LUZP2: variants seen among roughly 807,000 people sequenced by gnomAD.
LUZP2 encodes the protein leucine zipper protein 2.
Under a neutral mutation model 51.6 loss-of-function variants are expected in LUZP2, and 52 were observed. The ratio of observed to expected loss-of-function variants is 1.01; its 90% CI spans 0.81 to 1.27. The LOEUF (loss-of-function observed/expected upper bound fraction) is 1.27, where lower values mean the gene tolerates loss of function less well. LUZP2 is among the 50% of genes most tolerant of loss of function. The pLI, the probability that LUZP2 is intolerant of heterozygous loss-of-function variation, is 0.00. For synonymous variants in LUZP2, 154 were observed against 137.3 expected (o/e 1.12, Z -0.85); for missense variants, 436 against 395.4 (o/e 1.10, Z -0.87).
chr11:24,805,726 T>G (rs1849835958), intron 5 of LUZP2, among the ~76,000 whole-genome samples: 1 of 152,180 alleles, frequency 6.6e-6, no homozygotes, highest in Non-Finnish European at 1.5e-5. Context: ...CTGTTTGTTT[T>G]AGGTTGGATT....
intron 1 of LUZP2, among the ~76,000 whole-genome samples, chr11:24,667,269 C>T (rs1856247175): frequency 6.7e-6 from 1 of 150,332 alleles, no homozygotes; most frequent in African/African-American, 2.5e-5. Context: ...TTGCAACCTC[C>T]ACCTCCCGGA....
intron 9 of LUZP2, among the ~76,000 whole-genome samples, chr11:25,023,997 G>C (rs1857413681): frequency 6.6e-6 from 1 of 152,154 alleles, no homozygotes; most frequent in South Asian, 2.1e-4. Context: ...TGGTCTGAGA[G>C]ACAGTTTGTT....
At chr11:24,790,592 CG>C (rs1849378649) in intron 5 of LUZP2, among the ~76,000 whole-genome samples, 1 of 152,008 alleles carries the variant, frequency 6.6e-6, no homozygotes, top group African/African-American at 2.4e-5. Context: ...ACCTCTGCCT[CG>C]GGGGTTCAAG....
chr11:24,837,550 C>A (rs1250097549), intron 5 of LUZP2, among the ~76,000 whole-genome samples: 1 of 151,628 alleles, frequency 6.6e-6, no homozygotes, highest in Admixed American at 6.6e-5. Flanking sequence ...TTTAAAATAA[C>A]TTGTGGAAGA....
chr11:24,507,115 T>G (rs572061725), intron 1 of LUZP2, among the ~76,000 whole-genome samples: 7 of 152,222 alleles, frequency 4.6e-5, no homozygotes, highest in African/African-American at 1.7e-4. Flanking sequence ...CTCAATTTAG[T>G]TTCTCCAAGT....
intron 7 of LUZP2, among the ~76,000 whole-genome samples, chr11:24,959,991 G>T (rs1163326758): frequency 6.6e-6 from 1 of 152,152 alleles, no homozygotes; most frequent in Non-Finnish European, 1.5e-5. Context: ...AGCCTTTTCT[G>T]CATCTATTGA....
intron 1 of LUZP2, among the ~76,000 whole-genome samples, chr11:24,509,864 AT>A (rs1173019101): frequency 2.0e-5 from 3 of 152,104 alleles, no homozygotes; most frequent in Non-Finnish European, 4.4e-5. Context: ...AAATTTAATA[AT>A]GTATACATTT....
At chr11:24,746,226 A>C (rs1416913285) in intron 4 of LUZP2, among the ~76,000 whole-genome samples, 7 of 152,160 alleles carry the variant, frequency 4.6e-5, no homozygotes, top group Admixed American at 2.0e-4. Flanking sequence ...TCCTTTTAGC[A>C]GTTCTTGTAG....
intron 7 of LUZP2, among the ~76,000 whole-genome samples, chr11:24,947,739 G>A (rs555849733): frequency 6.6e-6 from 1 of 151,872 alleles, no homozygotes; most frequent in East Asian, 1.9e-4. Flanking sequence ...AAATCGTTGG[G>A]TGATATCTGT....
chr11:24,587,524 C>A (rs1027252688), intron 1 of LUZP2, among the ~76,000 whole-genome samples: 1 of 152,082 alleles, frequency 6.6e-6, no homozygotes, highest in Non-Finnish European at 1.5e-5. Flanking sequence ...ATGCCATGGG[C>A]TTTTCCACCT....
At chr11:25,037,562 C>T (rs757253078) in intron 9 of LUZP2, among the ~76,000 whole-genome samples, 4 of 152,012 alleles carry the variant, frequency 2.6e-5, no homozygotes, top group African/African-American at 2.4e-5. Context: ...GCCAGGGGGC[C>T]GTGAGCTTAA....
At chr11:24,548,352 A>G (rs1407195801) in intron 1 of LUZP2, among the ~76,000 whole-genome samples, 1 of 152,146 alleles carries the variant, frequency 6.6e-6, no homozygotes, top group African/African-American at 2.4e-5. Flanking sequence ...CATATATACC[A>G]TGGAATACTA....
At chr11:24,622,470 C>T (rs950803429) in intron 1 of LUZP2, among the ~76,000 whole-genome samples, 7 of 152,048 alleles carry the variant, frequency 4.6e-5, no homozygotes, top group Admixed American at 3.3e-4. Context: ...CGTGGCTTCC[C>T]AAAGTGCGGG....
intron 1 of LUZP2, among the ~76,000 whole-genome samples, chr11:24,712,892 G>T (rs1857891025): frequency 6.6e-6 from 1 of 152,134 alleles, no homozygotes; most frequent in Non-Finnish European, 1.5e-5. Context: ...AGATTCCTAG[G>T]TATGGGATTG....
At chr11:24,703,852 C>CA (rs954709412) in intron 1 of LUZP2, among the ~76,000 whole-genome samples, 14 of 66,082 alleles carry the variant, frequency 2.1e-4, no homozygotes, top group East Asian at 1.8e-3. Context: ...AACAAACAAA[C>CA]AAAAAAAACG....
At chr11:24,691,590 C>T (rs1300050393) in intron 1 of LUZP2, among the ~76,000 whole-genome samples, 1 of 150,676 alleles carries the variant, frequency 6.6e-6, no homozygotes, top group Non-Finnish European at 1.5e-5. Flanking sequence ...TATATAAAAC[C>T]TAGAATTTGG....
In LUZP2 at chr11:24,596,140, A is replaced by G. The variant is rs1470265467; in HGVS notation, c.62+98835A>G. On this transcript the variant is annotated intron_variant, in intron 1 of 11. Coordinates refer to ENST00000336930, the MANE Select transcript of LUZP2 (RefSeq NM_001009909.4). The stretch of plus-strand genomic sequence containing the variant: ...ATCCGTTGCAGCTTCAAATGTTACA[A>G]CACACAGGAATATAATCCCAAGGCA... 6.6e-5 allele frequency among the ~76,000 whole-genome samples: 10 copies of G among 152,304 alleles called. No individual in the cohort carries two copies. In the South Asian group the frequency reaches 1.7e-3, roughly 25 times the overall value.
Position 24,756,183 on chromosome 11 carries a change from T to A in LUZP2, c.334-7063T>A, listed in dbSNP as rs140022679. Among the ~76,000 whole-genome samples, 1,116 of 152,320 alleles carry A rather than the reference T, an allele frequency of 7.3e-3. 3 individuals are homozygous for A. The highest frequency in any genetic ancestry group is 0.01 in the Middle Eastern group (3 of 294). ...CACATCTTCTCCCACCTTTGAGATA[T>A]CTTACATTTTCAGACCGAACCAATG... On this transcript the variant is annotated intron_variant, in intron 4 of 11. Transcript: ENST00000336930.
At chr11:24,985,511 T>C (rs573567531) in intron 9 of LUZP2, among the ~76,000 whole-genome samples, 218 of 151,876 alleles carry the variant, frequency 1.4e-3, no homozygotes, top group African/African-American at 5.0e-3. Context: ...AAATAAACCA[T>C]GTGACAATCT....
Sources: allele counts gnomAD v4.1 joint callset (sites outside exome capture counted in the v4.1 genomes callset), GRCh38; gene constraint gnomAD v4.1.1; transcripts MANE v1.5; gene names NCBI Gene and HGNC (gene_info 2026-07-23, HGNC 2026-07-21).